The following ZNF804A variants were observed in gnomAD, a reference collection of about 807,000 sequenced individuals.
ZNF804A encodes zinc finger protein 804A.
ZNF804A carries 2 observed loss-of-function variants against 16.5 expected under a neutral mutation model. The observed-to-expected ratio is 0.12, with a 90% CI of 0.05 to 0.38. The LOEUF (loss-of-function observed/expected upper bound fraction) is 0.38, where lower values mean the gene tolerates loss of function less well. ZNF804A is among the 10% of genes least tolerant of loss of function. ZNF804A has a pLI of 0.99. For synonymous variants in ZNF804A, 534 were observed against 489.6 expected, an observed-to-expected ratio of 1.09 and a Z score of -1.20; for missense variants, 1,473 against 1,390.7, an observed-to-expected ratio of 1.06 and a Z score of -0.94.
At chr2:184,876,534 C>G (rs1204131321) in intron 2 of ZNF804A, among the ~76,000 whole-genome samples, 1 of 152,076 alleles carries the variant, frequency 6.6e-6, no homozygotes, top group Non-Finnish European at 1.5e-5. Flanking sequence ...TATTTTTGCT[C>G]CAAGAAATGC....
intron 1 of ZNF804A, among the ~76,000 whole-genome samples, chr2:184,714,310 A>C (rs1021847908): frequency 1.3e-5 from 2 of 151,986 alleles, no homozygotes; most frequent in Non-Finnish European, 2.9e-5. Flanking sequence ...ACATGCACAC[A>C]CTATTCCTGG....
chr2:184,624,191 A>G (rs1380172307), intron 1 of ZNF804A, among the ~76,000 whole-genome samples: 1 of 152,164 alleles, frequency 6.6e-6, no homozygotes, highest in Non-Finnish European at 1.5e-5. Flanking sequence ...TTGATAAAAA[A>G]TACTATGAGA....
chr2:184,789,639 A>G (rs1027340884), intron 1 of ZNF804A, among the ~76,000 whole-genome samples: 3 of 151,918 alleles, frequency 2.0e-5, no homozygotes, highest in Admixed American at 6.6e-5. Context: ...GTTCATAGAA[A>G]TCTCTGATGA....
chr2:184,824,614 G>A (rs1384948380), intron 1 of ZNF804A, among the ~76,000 whole-genome samples: 4 of 152,056 alleles, frequency 2.6e-5, no homozygotes, highest in African/African-American at 9.7e-5. Flanking sequence ...TTCTGCCTAA[G>A]AACAAACTAT....
chr2:184,674,281 A>C (rs931706905), intron 1 of ZNF804A, among the ~76,000 whole-genome samples: 4 of 151,990 alleles, frequency 2.6e-5, no homozygotes, highest in Non-Finnish European at 4.4e-5. Flanking sequence ...TTGGCTTCAG[A>C]CTCATCTTGA....
intron 1 of ZNF804A, among the ~76,000 whole-genome samples, chr2:184,733,603 C>T (rs1344191849): frequency 6.6e-6 from 1 of 152,108 alleles, no homozygotes; most frequent in Non-Finnish European, 1.5e-5. Context: ...ACTATAATTT[C>T]TTCCTTACAT....
intron 1 of ZNF804A, among the ~76,000 whole-genome samples, chr2:184,690,105 A>T (rs1273912729): frequency 6.6e-6 from 1 of 151,898 alleles, no homozygotes; most frequent in Non-Finnish European, 1.5e-5. Flanking sequence ...ATAAAGTTTC[A>T]TAATCAATAT....
Position 184,935,942 on chromosome 2 carries a change from T to C in ZNF804A, c.546T>C (p.Thr182=), listed in dbSNP as rs756536103. The change falls in exon 4 of 4, where the codon ACT becomes ACC. Residue 182 remains threonine (T), a synonymous_variant. Coordinates refer to ENST00000302277, the MANE Select transcript of ZNF804A (RefSeq NM_194250.2). Reference sequence around the variant, plus strand: ...AAGAGAATACTAAAGATGCTACCACTGTTGCTGAAGATCCAGAAAGTGCAA... The same window carrying C: ...AAGAGAATACTAAAGATGCTACCACCGTTGCTGAAGATCCAGAAAGTGCAA... ...HSEENTKDAT[T]VAEDPESANN... is the part of the protein sequence containing the mutation. 1.9e-6 allele frequency: 3 copies of C among 1,613,992 alleles called. No individual in the cohort carries two copies. In the East Asian group the frequency reaches 6.7e-5, roughly 36 times the overall value.
At chr2:184,712,769 G>A (rs112470301) in intron 1 of ZNF804A, among the ~76,000 whole-genome samples, 1 of 151,280 alleles carries the variant, frequency 6.6e-6, no homozygotes, top group Non-Finnish European at 1.5e-5. Flanking sequence ...AAGCTTTCTG[G>A]TTCTTTCTTC....
At chr2:184,772,175 T>C (rs777971622) in intron 1 of ZNF804A, among the ~76,000 whole-genome samples, 22 of 151,826 alleles carry the variant, frequency 1.4e-4, no homozygotes, top group African/African-American at 2.4e-5. Context: ...GTTTTGTTGA[T>C]AATAGCTTTA....
intron 1 of ZNF804A, among the ~76,000 whole-genome samples, chr2:184,765,910 TTA>T (rs1694118392): frequency 6.6e-6 from 1 of 152,190 alleles, no homozygotes. Flanking sequence ...TTAAGTAGAA[TTA>T]TATATCTGCA....
intron 2 of ZNF804A, among the ~76,000 whole-genome samples, chr2:184,912,001 AT>A (rs1574267739): frequency 6.6e-6 from 1 of 152,026 alleles, no homozygotes; most frequent in African/African-American, 2.4e-5. Context: ...AGCATTTGTA[AT>A]TTTTTAGATG....
chr2:184,913,390 T>A, intron 2 of ZNF804A, among the ~76,000 whole-genome samples: 1 of 152,190 alleles, frequency 6.6e-6, no homozygotes, highest in Admixed American at 6.6e-5. Context: ...TTCAAGTTAT[T>A]CTCTAGAGTC....
At chr2:184,895,501 G>A (rs1685050586) in intron 2 of ZNF804A, among the ~76,000 whole-genome samples, 1 of 152,078 alleles carries the variant, frequency 6.6e-6, no homozygotes, top group Non-Finnish European at 1.5e-5. Flanking sequence ...TGGCAACTAG[G>A]TGCTCATTAA....
chr2:184,832,936 C>G (rs552281494), intron 1 of ZNF804A, among the ~76,000 whole-genome samples: 1 of 151,898 alleles, frequency 6.6e-6, no homozygotes, highest in South Asian at 2.1e-4. Context: ...TAGATTTTCT[C>G]GTAATTTATG....
At position 184,840,914 on chromosome 2, in the gene ZNF804A, G is replaced by T. The variant is rs550993720; in HGVS notation, c.112-25455G>T. On this transcript the variant is annotated intron_variant, in intron 1 of 3. Coordinates refer to ENST00000302277, the MANE Select transcript of ZNF804A (RefSeq NM_194250.2). ...TACCCCTGAAACACCACCATTTCTT[G>T]ACCATATTCAGTTGAATTTTACTTA... Among the ~76,000 whole-genome samples, 39 of 152,122 alleles carry T rather than the reference G, an allele frequency of 2.6e-4. 1 individual carries two copies. The highest frequency in any genetic ancestry group is 9.2e-4 in the African/African-American group (38 of 41,510).
chr2:184,912,215 C>G (rs1219394576), intron 2 of ZNF804A, among the ~76,000 whole-genome samples: 1 of 152,010 alleles, frequency 6.6e-6, no homozygotes, highest in Non-Finnish European at 1.5e-5. Context: ...TTTAGCTATT[C>G]TGAATATTGC....
At chr2:184,877,029 A>G (rs890406088) in intron 2 of ZNF804A, among the ~76,000 whole-genome samples, 1 of 152,114 alleles carries the variant, frequency 6.6e-6, no homozygotes, top group African/African-American at 2.4e-5. Context: ...AAAAAACTAT[A>G]AGAAAGCCAA....
At chr2:184,670,980 C>A (rs1335187969) in intron 1 of ZNF804A, among the ~76,000 whole-genome samples, 1 of 152,108 alleles carries the variant, frequency 6.6e-6, no homozygotes, top group Non-Finnish European at 1.5e-5. Flanking sequence ...CCTGGGGCTT[C>A]TTTTCTGCAG....
Sources: gnomAD v4.1 joint callset for allele counts (sites outside exome capture counted in the v4.1 genomes callset) on GRCh38, gnomAD v4.1.1 for gene constraint, MANE v1.5 for transcripts, NCBI Gene and HGNC (gene_info 2026-07-23, HGNC 2026-07-21) for gene names.